The following RRAGD variants were observed in gnomAD, a reference collection of about 807,000 sequenced individuals.
RRAGD encodes Ras related GTP binding D, also known as ras-related GTP-binding protein D.
RRAGD carries 12 observed loss-of-function variants against 35.5 expected under a neutral mutation model. The observed-to-expected ratio is 0.34, with a 90% CI of 0.22 to 0.55. The LOEUF (loss-of-function observed/expected upper bound fraction) is 0.55. Ranked by LOEUF, RRAGD falls within the 20% of genes least tolerant of loss-of-function variation. The pLI is 0.91. For missense variants in RRAGD, 324 were observed against 490.1 expected (o/e 0.66, Z 3.20); for synonymous variants, 155 against 178.9 (o/e 0.87, Z 1.07).
chr6:89,389,272 G>T (rs955340833), intron 1 of RRAGD, among the ~76,000 whole-genome samples: 3 of 152,062 alleles, frequency 2.0e-5, no homozygotes, highest in African/African-American at 7.2e-5. Flanking sequence ...GTAGGAGTTG[G>T]TGGGCCGGGC....
At position 89,412,185 on chromosome 6, in the gene RRAGD, C is replaced by A. The variant is rs1168656763; in HGVS notation, c.-192G>T. 60 of 372,144 alleles carry A rather than the reference C, an allele frequency of 1.6e-4. No individual in the cohort carries two copies. The Admixed American group carries it at 1.6e-3, about 10-fold the overall frequency. 23.1% of individuals were successfully genotyped at this position (372,144 alleles called of 1,614,324 possible). On this transcript the variant is annotated 5_prime_UTR_variant, in exon 1 of 7. Coordinates refer to ENST00000369415, the MANE Select transcript of RRAGD (RefSeq NM_021244.5). The surrounding 1 kb of genome is among the most constrained non-coding windows in gnomAD (Gnocchi z 4.2). The stretch of plus-strand genomic sequence containing the variant: ...CCGGGTCCCGCGGTTCCCAGCGCGC[C>A]CGAAGCCCCCTCCCCCGCCCCGCCC...
At chr6:89,406,347 C>G (rs1400656847) in intron 1 of RRAGD, among the ~76,000 whole-genome samples, 1 of 152,112 alleles carries the variant, frequency 6.6e-6, no homozygotes, top group African/African-American at 2.4e-5. Flanking sequence ...GTTGCAAGAC[C>G]ACCGTGGCCT....
At chr6:89,404,939 T>C (rs1372900234) in intron 1 of RRAGD, among the ~76,000 whole-genome samples, 2 of 152,208 alleles carry the variant, frequency 1.3e-5, no homozygotes, top group East Asian at 1.9e-4. Context: ...TGAGATATCA[T>C]ATGAAATGCA....
At chr6:89,383,513 T>G (rs1246249485) in intron 2 of RRAGD, among the ~76,000 whole-genome samples, 1 of 152,216 alleles carries the variant, frequency 6.6e-6, no homozygotes, top group Non-Finnish European at 1.5e-5. Flanking sequence ...TAGTTTCTAC[T>G]CTGAAATTAG....
intron 2 of RRAGD, among the ~76,000 whole-genome samples, chr6:89,380,780 G>A (rs758097107): frequency 2.0e-5 from 3 of 151,932 alleles, no homozygotes; most frequent in African/African-American, 4.8e-5. Context: ...GGTGGCATGC[G>A]CCTGTAGTCC....
intron 1 of RRAGD, among the ~76,000 whole-genome samples, chr6:89,388,182 C>G (rs1033754270): frequency 1.3e-5 from 2 of 152,208 alleles, no homozygotes; most frequent in Admixed American, 1.3e-4. Flanking sequence ...CAGGCCCACC[C>G]TGGCTCAGGG....
intron 1 of RRAGD, among the ~76,000 whole-genome samples, chr6:89,403,601 T>C (rs566429780): frequency 3.4e-4 from 51 of 151,068 alleles, no homozygotes; most frequent in South Asian, 2.1e-3. Context: ...TGGATGATAA[T>C]AGACTTCCTG....
intron 6 of RRAGD, 38 bp from the exon 7 acceptor site, chr6:89,368,245 A>C: frequency 6.3e-7 from 1 of 1,590,192 alleles, no homozygotes; most frequent in South Asian, 1.1e-5. Context: ...AATGTCACGT[A>C]GAAATAATCT....
At chr6:89,396,177 T>G (rs1056989634) in intron 1 of RRAGD, among the ~76,000 whole-genome samples, 2 of 151,746 alleles carry the variant, frequency 1.3e-5, no homozygotes, top group African/African-American at 4.8e-5. Flanking sequence ...ATAACAATAA[T>G]AAAATTTAGA....
In RRAGD at chr6:89,387,316, C is replaced by T. The variant is rs556472790; in HGVS notation, c.423G>A (p.Leu141=). The T allele has an allele frequency of 1.2e-6, 2 of 1,613,814 alleles. No individual in the cohort carries two copies. Among genetic ancestry groups the T allele is most frequent in the East Asian group, 2.2e-5 (1 of 44,880 alleles). The change falls in exon 2 of 7, where the codon CTG becomes CTA. Residue 141 remains leucine, a synonymous_variant. Transcript: ENST00000369415. The part of the protein sequence containing the change: ...YEMIFRGTGA[L]IFVIDSQDDY... ...TTACCTGTGAGTCAATGACAAATAT[C>T]AGTGCTCCTGTTCCCCGGAAGATCA...
In RRAGD at chr6:89,364,980, CA is replaced by C. The variant is rs1288547314; in HGVS notation, c.*3075del. On this transcript the variant is annotated 3_prime_UTR_variant, in exon 7 of 7. Coordinates refer to ENST00000369415, the MANE Select transcript of RRAGD (RefSeq NM_021244.5). ...GTAAAACATGGACTATACCTGATTA[CA>C]AATTACATCCAGTCTGTACAAGTTG... 1 of 152,200 alleles carries C rather than the reference CA, an allele frequency of 6.6e-6. No individual in the cohort carries two copies. Among genetic ancestry groups the C allele is most frequent in the Non-Finnish European group, 1.5e-5 (1 of 68,040 alleles). The allele number at this position is 152,200 out of a possible 1,614,324, so 9.4% of individuals were successfully genotyped here. A position where few individuals can be genotyped will look rare whatever the true frequency, so the allele number is the denominator to read the frequency against.
rs548307063 is a variant in RRAGD at position 89,411,676 on chromosome 6, G to A, written c.148+170C>T. ...CACCAGCACCGCGCTCCCTCATTTGGCAGCTCGAGGTCGGGCTTTTGGCGT... is the reference window on the plus strand; with the variant it reads ...CACCAGCACCGCGCTCCCTCATTTGACAGCTCGAGGTCGGGCTTTTGGCGT... On this transcript the variant is annotated intron_variant, in intron 1 of 6. Transcript: ENST00000369415. This position sits in a 1 kb window ranked among gnomAD's most constrained non-coding sequence, Gnocchi z 5.6. 2.6e-5 allele frequency among the ~76,000 whole-genome samples: 4 copies of A among 152,300 alleles called. No homozygotes were observed. Among genetic ancestry groups the A allele is most frequent in the East Asian group, 1.9e-4 (1 of 5,164 alleles).
intron 1 of RRAGD, among the ~76,000 whole-genome samples, chr6:89,409,631 CCA>C (rs773026635): frequency 1.3e-5 from 2 of 152,224 alleles, no homozygotes; most frequent in Non-Finnish European, 2.9e-5. Flanking sequence ...CTCCCAATCC[CCA>C]CTCCCCAGAC....
intron 1 of RRAGD, among the ~76,000 whole-genome samples, chr6:89,393,574 C>T (rs549276982): frequency 2.2e-4 from 33 of 152,308 alleles, no homozygotes; most frequent in Middle Eastern, 6.8e-3. Flanking sequence ...CACTACTGCC[C>T]TCAAAGTCCT....
rs1554204197 is a variant in RRAGD at position 89,391,969 on chromosome 6, A to AAAAG, written c.149-4380_149-4379insCTTT. ...GAGACCCTATCTCAAAAAAAAAAAA[A>AAAAG]AAAAAAATCCCTGGAATTAAACAGT... On this transcript the variant is annotated intron_variant, in intron 1 of 6. Transcript: ENST00000369415. 1.6e-4 allele frequency among the ~76,000 whole-genome samples: 24 copies of AAAAG among 149,986 alleles called. No homozygotes were observed. In the East Asian group the frequency reaches 2.8e-3, roughly 17 times the overall value.
At chr6:89,389,337 C>T (rs774030688) in intron 1 of RRAGD, among the ~76,000 whole-genome samples, 5 of 152,090 alleles carry the variant, frequency 3.3e-5, no homozygotes, top group African/African-American at 4.8e-5. Context: ...GGGCGGATCA[C>T]GAGGTCAGCA....
chr6:89,367,962 G>T lies in RRAGD; in HGVS notation c.*94C>A. ...TTTTAACAACAAATCAATGGTATGT[G>T]TCCCAATCTCCTTCTTCCTCTTCCT... On this transcript the variant is annotated 3_prime_UTR_variant, in exon 7 of 7. Coordinates refer to ENST00000369415, the MANE Select transcript of RRAGD (RefSeq NM_021244.5). 9.0e-7 allele frequency: 1 copy of T among 1,111,262 alleles called. No individual in the cohort carries two copies. 68.8% of individuals were successfully genotyped at this position (1,111,262 alleles called of 1,614,324 possible).
At chr6:89,371,305 A>G (rs1768850809) in intron 6 of RRAGD, among the ~76,000 whole-genome samples, 1 of 151,942 alleles carries the variant, frequency 6.6e-6, no homozygotes, top group African/African-American at 2.4e-5. Context: ...CCTAGGAAAC[A>G]TGGTGAGACC....
intron 4 of RRAGD, among the ~76,000 whole-genome samples, chr6:89,378,380 A>G (rs954315043): frequency 7.2e-5 from 11 of 152,250 alleles, no homozygotes; most frequent in African/African-American, 1.4e-4. Flanking sequence ...CCTAACTCGT[A>G]GAGATACATA....
Sources: gnomAD v4.1 joint callset for allele counts (sites outside exome capture counted in the v4.1 genomes callset) on GRCh38, gnomAD v4.1.1 for gene constraint, Gnocchi (gnomAD v3.1) non-coding constraint, MANE v1.5 for transcripts, NCBI Gene and HGNC (gene_info 2026-07-23, HGNC 2026-07-21) for gene names.